The following SYT9 variants were observed in gnomAD, a reference collection of about 807,000 sequenced individuals.
SYT9 encodes synaptotagmin-9.
SYT9 carries 22 observed loss-of-function variants against 48.4 expected under a neutral mutation model. That is an observed-to-expected ratio of 0.45 (90% CI 0.32 to 0.65). SYT9 has a LOEUF of 0.65. SYT9 is among the 30% of genes least tolerant of loss of function. The pLI, the probability that SYT9 is intolerant of heterozygous loss-of-function variation, is 0.03. For synonymous variants in SYT9, 265 were observed against 245.0 expected (o/e 1.08, Z -0.76); for missense variants, 577 against 622.0 (o/e 0.93, Z 0.77).
In SYT9 at chr11:7,306,773, C is replaced by T. The variant is rs114770307; in HGVS notation, c.497+3383C>T. Among the ~76,000 whole-genome samples the T allele has an allele frequency of 7.1e-3, 1,075 of 152,254 alleles. 14 individuals are homozygous for T. The highest frequency in any genetic ancestry group is 0.025 in the African/African-American group (1,028 of 41,554). On this transcript the variant is annotated intron_variant, in intron 2 of 6. Coordinates refer to ENST00000318881, the MANE Select transcript of SYT9 (RefSeq NM_175733.4). ...ACTCCTTCCCACTTTAATTCTCCCTCGCATTGCCTTGTTTTCATGCCTTCA... is the reference window on the plus strand; with the variant it reads ...ACTCCTTCCCACTTTAATTCTCCCTTGCATTGCCTTGTTTTCATGCCTTCA...
chr11:7,243,655 C>A (rs939671115), intron 1 of SYT9, among the ~76,000 whole-genome samples: 38 of 152,348 alleles, frequency 2.5e-4, no homozygotes, highest in African/African-American at 8.4e-4. Context: ...CCTAAGCAGG[C>A]AGCTGAGTGT....
At chr11:7,293,821 A>G (rs1589920528) in intron 1 of SYT9, among the ~76,000 whole-genome samples, 1 of 152,188 alleles carries the variant, frequency 6.6e-6, no homozygotes, top group South Asian at 2.1e-4. Context: ...TGCAACTTGC[A>G]TGGCCATAGA....
At chr11:7,289,638 G>A (rs935855282) in intron 1 of SYT9, among the ~76,000 whole-genome samples, 2 of 152,226 alleles carry the variant, frequency 1.3e-5, no homozygotes, top group African/African-American at 4.8e-5. Context: ...CTGTAACTCA[G>A]AGAGGGCAGG....
chr11:7,360,329 T>A (rs1243128259), intron 3 of SYT9, among the ~76,000 whole-genome samples: 11 of 152,142 alleles, frequency 7.2e-5, no homozygotes, highest in South Asian at 2.1e-4. Flanking sequence ...TGACTTGGCA[T>A]TGCGGGCTCT....
At chr11:7,293,520 T>A (rs995452105) in intron 1 of SYT9, among the ~76,000 whole-genome samples, 1 of 152,194 alleles carries the variant, frequency 6.6e-6, no homozygotes, top group Non-Finnish European at 1.5e-5. Flanking sequence ...GCCCTAAGTT[T>A]TAGCCTTCAG....
At chr11:7,371,614 C>T (rs1850364526) in intron 3 of SYT9, among the ~76,000 whole-genome samples, 1 of 152,102 alleles carries the variant, frequency 6.6e-6, no homozygotes, top group African/African-American at 2.4e-5. Context: ...CCATCTAAAA[C>T]AAGGCCACCA....
At chr11:7,300,397 C>A (rs1589925769) in intron 1 of SYT9, among the ~76,000 whole-genome samples, 1 of 152,258 alleles carries the variant, frequency 6.6e-6, no homozygotes, top group Admixed American at 6.5e-5. Context: ...GGGCCATATT[C>A]ACTCGTATTT....
chr11:7,284,464 T>C (rs185009193), intron 1 of SYT9, among the ~76,000 whole-genome samples: 2 of 152,290 alleles, frequency 1.3e-5, no homozygotes, highest in East Asian at 3.9e-4. Flanking sequence ...TATTTTGTCC[T>C]GATATTAAAT....
chr11:7,319,073 T>G (rs1849290765), intron 3 of SYT9, among the ~76,000 whole-genome samples: 1 of 151,878 alleles, frequency 6.6e-6, no homozygotes, highest in African/African-American at 2.4e-5. Flanking sequence ...TTCTTCAAAC[T>G]GGAAGAATGC....
intron 6 of SYT9, among the ~76,000 whole-genome samples, chr11:7,443,595 C>T (rs181327900): frequency 5.3e-5 from 8 of 152,320 alleles, no homozygotes; most frequent in African/African-American, 1.7e-4. Flanking sequence ...TCATGTGCTC[C>T]GTTCTTCACC....
chr11:7,360,580 G>T (rs141269812), intron 3 of SYT9, among the ~76,000 whole-genome samples: 2 of 151,754 alleles, frequency 1.3e-5, no homozygotes, highest in East Asian at 3.9e-4. Context: ...CCCTTGTAAG[G>T]TGGATTCCTA....
chr11:7,464,416 T>C (rs1373654680), intron 6 of SYT9, among the ~76,000 whole-genome samples: 3 of 152,210 alleles, frequency 2.0e-5, no homozygotes, highest in African/African-American at 4.8e-5. Context: ...TTGCTAAAGC[T>C]TGGACTTTGA....
intron 1 of SYT9, among the ~76,000 whole-genome samples, chr11:7,272,208 G>C (rs1848310481): frequency 6.6e-6 from 1 of 152,100 alleles, no homozygotes; most frequent in Non-Finnish European, 1.5e-5. Context: ...GCGTGAGTAA[G>C]GTCATGACTT....
intron 1 of SYT9, among the ~76,000 whole-genome samples, chr11:7,279,606 C>G (rs1282238631): frequency 1.3e-5 from 2 of 152,080 alleles, no homozygotes; most frequent in African/African-American, 2.4e-5. Flanking sequence ...TTAAAATGCC[C>G]CATCCAGAAT....
At chr11:7,423,396 C>T (rs1016254051) in intron 6 of SYT9, among the ~76,000 whole-genome samples, 11 of 152,180 alleles carry the variant, frequency 7.2e-5, no homozygotes, top group African/African-American at 2.4e-4. Context: ...GCAGACTGGC[C>T]AGAAACATTC....
chr11:7,442,338 T>A (rs1191782649), intron 6 of SYT9, among the ~76,000 whole-genome samples: 1 of 152,158 alleles, frequency 6.6e-6, no homozygotes, highest in East Asian at 1.9e-4. Flanking sequence ...GGCTCTCTCC[T>A]CCCACTCTTC....
chr11:7,285,451 C>T (rs911178670), intron 1 of SYT9, among the ~76,000 whole-genome samples: 1 of 152,158 alleles, frequency 6.6e-6, no homozygotes, highest in Non-Finnish European at 1.5e-5. Context: ...TCAATTACCT[C>T]CCACCAGTCC....
chr11:7,359,551 T>A (rs937230035), intron 3 of SYT9, among the ~76,000 whole-genome samples: 1 of 103,978 alleles, frequency 9.6e-6, no homozygotes, highest in Admixed American at 1.1e-4. Context: ...TTCTAACTGG[T>A]GTGAGATGGT....
At chr11:7,390,079 C>T (rs1850734199) in intron 3 of SYT9, among the ~76,000 whole-genome samples, 1 of 152,154 alleles carries the variant, frequency 6.6e-6, no homozygotes. Flanking sequence ...GGGTTTGCCG[C>T]ACCCATCAAC....
Sources: gnomAD v4.1 joint callset for allele counts (sites outside exome capture counted in the v4.1 genomes callset) on GRCh38, gnomAD v4.1.1 for gene constraint, MANE v1.5 for transcripts, NCBI Gene and HGNC (gene_info 2026-07-23, HGNC 2026-07-21) for gene names.